Variants in CDC42BPB observed in about 807,000 individuals in gnomAD.
The protein encoded by CDC42BPB is CDC42 binding protein kinase beta, also known as serine/threonine-protein kinase MRCK beta.
Under a neutral mutation model 214.9 loss-of-function variants are expected in CDC42BPB, and 37 were observed. The ratio of observed to expected loss-of-function variants is 0.17; its 90% CI spans 0.13 to 0.23. CDC42BPB has a LOEUF of 0.23. CDC42BPB is among the 10% of genes least tolerant of loss of function. The probability of loss-of-function intolerance (pLI) is 1.00; values close to 1 mark genes in which losing one functional copy is unlikely to be tolerated. For synonymous variants in CDC42BPB, 931 were observed against 884.0 expected (o/e 1.05, Z -0.94); for missense variants, 1,694 against 2,227.0 (o/e 0.76, Z 4.82).
At chr14:102,935,528 G>A (rs573342234) in intron 36 of CDC42BPB, among the ~76,000 whole-genome samples, 20 of 152,194 alleles carry the variant, frequency 1.3e-4, no homozygotes, top group African/African-American at 4.3e-4. Flanking sequence ...AGTGCCTCAC[G>A]CCTGTAATCC....
chr14:103,027,055 T>C (rs1566912349), intron 1 of CDC42BPB, among the ~76,000 whole-genome samples: 1 of 152,156 alleles, frequency 6.6e-6, no homozygotes, highest in Non-Finnish European at 1.5e-5. Context: ...GAAGATATAT[T>C]AATACAAATG....
chr14:102,953,120 C>A (rs1892563079), intron 23 of CDC42BPB, among the ~76,000 whole-genome samples: 1 of 152,254 alleles, frequency 6.6e-6, no homozygotes, highest in African/African-American at 2.4e-5. Flanking sequence ...ACTGCAGCAG[C>A]CCCAAGGCTG....
chr14:103,032,630 CTT>C lies in CDC42BPB; in HGVS notation c.176-20444_176-20443del, dbSNP rs35712321. Among the ~76,000 whole-genome samples, 346 of 109,004 alleles carry C rather than the reference CTT, an allele frequency of 3.2e-3. 1 individual carries two copies. The highest frequency in any genetic ancestry group is 0.012 in the African/African-American group (304 of 26,176). The allele number at this position is 109,004 out of a possible 152,430, so 71.5% of individuals were successfully genotyped here. A position where few individuals can be genotyped will look rare whatever the true frequency, so the allele number is the denominator to read the frequency against. On this transcript the variant is annotated intron_variant, in intron 1 of 36. Transcript: ENST00000361246. Reference sequence around the variant, plus strand: ...TCCAAATGCCTATAAAACAAATCCACTTTTTTTTTTTTTTTTTTTTGAGACGG... The same window carrying C: ...TCCAAATGCCTATAAAACAAATCCACTTTTTTTTTTTTTTTTTTGAGACGG...
At chr14:102,952,353 A>T (rs745497700) in intron 24 of CDC42BPB, 145 bp downstream of exon 24, 54 of 601,726 alleles carry the variant, frequency 9.0e-5, no homozygotes, top group Non-Finnish European at 1.5e-4. Context: ...CCCCCTAAAA[A>T]AAACCCTGTC....
intron 4 of CDC42BPB, among the ~76,000 whole-genome samples, chr14:103,003,284 G>A (rs912951289): frequency 6.6e-6 from 1 of 152,178 alleles, no homozygotes; most frequent in South Asian, 2.1e-4. Context: ...GGCGGTCTGC[G>A]GGTCACTCAG....
chr14:102,952,687 C>A, intron 23 of CDC42BPB, 84 bp from the exon 24 acceptor site: 4 of 1,532,840 alleles, frequency 2.6e-6, no homozygotes, highest in Non-Finnish European at 3.5e-6. Flanking sequence ...AGTTTATACA[C>A]AGCTTGGGCA....
intron 1 of CDC42BPB, among the ~76,000 whole-genome samples, chr14:103,053,480 G>A (rs138639927): frequency 9.9e-5 from 15 of 152,064 alleles, no homozygotes; most frequent in Non-Finnish European, 1.5e-4. Flanking sequence ...GAAATGACTC[G>A]GCCAGGCACG....
At chr14:102,946,820 TC>T in intron 27 of CDC42BPB, 136 bp from the exon 28 acceptor site, 1 of 1,454,070 alleles carries the variant, frequency 6.9e-7, no homozygotes, top group Admixed American at 2.5e-5. Context: ...GACCCCTGAC[TC>T]CACCTCGCTG....
At chr14:103,040,572 C>T (rs544218081) in intron 1 of CDC42BPB, among the ~76,000 whole-genome samples, 1 of 152,066 alleles carries the variant, frequency 6.6e-6, no homozygotes, top group East Asian at 2.0e-4. Flanking sequence ...GATTCTTTCA[C>T]CTCAGCCTCC....
chr14:102,973,569 G>C (rs1322587674), intron 12 of CDC42BPB, among the ~76,000 whole-genome samples: 1 of 152,216 alleles, frequency 6.6e-6, no homozygotes, highest in East Asian at 1.9e-4. Context: ...GAAGGGGAGG[G>C]CCTGGCTCGG....
chr14:102,976,433 C>T (rs1893748407), intron 9 of CDC42BPB, among the ~76,000 whole-genome samples: 1 of 152,216 alleles, frequency 6.6e-6, no homozygotes, highest in Admixed American at 6.5e-5. Flanking sequence ...CTGGTTTGGC[C>T]ACCAACTGGC....
At chr14:102,978,894 C>T (rs1469311656) in intron 8 of CDC42BPB, among the ~76,000 whole-genome samples, 1 of 152,170 alleles carries the variant, frequency 6.6e-6, no homozygotes, top group African/African-American at 2.4e-5. Flanking sequence ...GTAATCCCAG[C>T]TACTCAAGAG....
At chr14:102,949,271 C>T (rs1399082324) in intron 26 of CDC42BPB, among the ~76,000 whole-genome samples, 4 of 152,144 alleles carry the variant, frequency 2.6e-5, no homozygotes, top group East Asian at 3.9e-4. Flanking sequence ...AAGGAGGCCC[C>T]GCCTGCTCCT....
intron 1 of CDC42BPB, among the ~76,000 whole-genome samples, chr14:103,032,421 T>C (rs577743164): frequency 2.7e-5 from 4 of 150,026 alleles, no homozygotes; most frequent in East Asian, 3.9e-4. Context: ...ACTGGGCCAA[T>C]AGTATAGGAA....
intron 30 of CDC42BPB, among the ~76,000 whole-genome samples, chr14:102,942,880 T>C (rs995307121): frequency 1.3e-5 from 2 of 152,058 alleles, no homozygotes; most frequent in Non-Finnish European, 2.9e-5. Flanking sequence ...AGTTTGTTTG[T>C]TTGTTTAAGA....
intron 7 of CDC42BPB, 170 bp from the exon 8 acceptor site, chr14:102,981,191 G>C: frequency 6.1e-6 from 6 of 985,386 alleles, no homozygotes; most frequent in Non-Finnish European, 7.2e-6. Context: ...AGGCAAACAA[G>C]AAAACCAGTG....
intron 5 of CDC42BPB, among the ~76,000 whole-genome samples, chr14:102,987,625 G>A (rs1894302664): frequency 6.6e-6 from 1 of 152,078 alleles, no homozygotes; most frequent in Admixed American, 6.6e-5. Flanking sequence ...ATGGGCAGAT[G>A]ATAATTCTTA....
At chr14:102,966,018 C>G (rs1893185737) in intron 18 of CDC42BPB, among the ~76,000 whole-genome samples, 1 of 152,154 alleles carries the variant, frequency 6.6e-6, no homozygotes, top group African/African-American at 2.4e-5. Context: ...AAAGCAAGCT[C>G]TCTGAGGGCA....
intron 14 of CDC42BPB, 164 bp from the exon 15 acceptor site, chr14:102,968,880 T>C (rs1467663469): frequency 1.0e-6 from 1 of 985,316 alleles, no homozygotes; most frequent in African/African-American, 1.7e-5. Flanking sequence ...GTGATCCAGG[T>C]TCTAGGGGGT....
Sources: gnomAD v4.1 joint callset for allele counts (sites outside exome capture counted in the v4.1 genomes callset) on GRCh38, gnomAD v4.1.1 for gene constraint, MANE v1.5 for transcripts, NCBI Gene and HGNC (gene_info 2026-07-23, HGNC 2026-07-21) for gene names.